DPP10: variants seen among roughly 807,000 people sequenced by gnomAD.
DPP10 encodes inactive dipeptidyl peptidase 10.
A neutral mutation model predicts 120.9 loss-of-function variants in DPP10; 33 were observed. That is an observed-to-expected ratio of 0.27 (90% confidence interval 0.21 to 0.37). The LOEUF (loss-of-function observed/expected upper bound fraction) is 0.37. DPP10 is among the 10% of genes least tolerant of loss of function. The pLI is 1.00. For synonymous variants in DPP10, 337 were observed against 326.1 expected (o/e 1.03, Z -0.36); for missense variants, 816 against 942.8 (o/e 0.87, Z 1.76).
At chr2:114,496,192 G>A (rs1483024512) in intron 1 of DPP10, among the ~76,000 whole-genome samples, 2 of 152,082 alleles carry the variant, frequency 1.3e-5, no homozygotes, top group Admixed American at 1.3e-4. Context: ...GATGTTTGGG[G>A]TTCTTAGGAT....
chr2:115,737,470 A>G lies in DPP10; in HGVS notation c.698-2269A>G, dbSNP rs568040253. The stretch of plus-strand genomic sequence containing the variant: ...TAGATAATATTTTTCAGTACAAGCG[A>G]CAATGATCTTTTTTCAAATCTTGTA... On this transcript the variant is annotated intron_variant, in intron 8 of 25. Transcript: ENST00000410059. Among the ~76,000 whole-genome samples, 150 of 152,250 alleles carry G rather than the reference A, an allele frequency of 9.9e-4. 1 individual carries two copies. Among genetic ancestry groups the G allele is most frequent in the African/African-American group, 3.3e-3 (139 of 41,536 alleles).
At chr2:115,212,314 G>C (rs1351265050) in intron 1 of DPP10, among the ~76,000 whole-genome samples, 1 of 152,154 alleles carries the variant, frequency 6.6e-6, no homozygotes, top group African/African-American at 2.4e-5. Context: ...GGAGCAGCCT[G>C]CTTTATGGAA....
intron 3 of DPP10, among the ~76,000 whole-genome samples, chr2:115,407,456 C>T (rs2068600443): frequency 6.6e-6 from 1 of 152,132 alleles, no homozygotes; most frequent in South Asian, 2.1e-4. Flanking sequence ...GTCAGATCTC[C>T]CTCAGAGGCC....
rs66716319 is a variant in DPP10, at chr2:114,532,256, CATATAT to C, written c.60+89454_60+89459del. The stretch of plus-strand genomic sequence containing the variant: ...CGAGCCAATTCCCATAATAAATCTC[CATATAT>C]ATATATATATATATATATATATATA... On this transcript the variant is annotated intron_variant, in intron 1 of 25. Coordinates refer to ENST00000410059, the MANE Select transcript of DPP10 (RefSeq NM_020868.6). 5.7e-3 allele frequency among the ~76,000 whole-genome samples: 492 copies of C among 86,184 alleles called. 8 individuals carry two copies. Among genetic ancestry groups the C allele is most frequent in the African/African-American group, 0.014 (218 of 16,138 alleles). 56.5% of individuals were successfully genotyped at this position (86,184 alleles called of 152,430 possible).
intron 1 of DPP10, among the ~76,000 whole-genome samples, chr2:115,047,378 ATATTT>A (rs1380418483): frequency 6.6e-6 from 1 of 152,026 alleles, no homozygotes; most frequent in Non-Finnish European, 1.5e-5. Context: ...TAAATTTTGA[ATATTT>A]TAATCACTAT....
At chr2:115,536,896 TA>T (rs1382859712) in intron 5 of DPP10, among the ~76,000 whole-genome samples, 1 of 152,032 alleles carries the variant, frequency 6.6e-6, no homozygotes, top group Non-Finnish European at 1.5e-5. Flanking sequence ...ATTACTCTGG[TA>T]AAATTACACT....
chr2:115,358,848 A>T (rs984814744), intron 3 of DPP10, among the ~76,000 whole-genome samples: 3 of 152,138 alleles, frequency 2.0e-5, no homozygotes, highest in Admixed American at 2.0e-4. Context: ...GAGAAGTGCT[A>T]AGCAAAAGAA....
intron 1 of DPP10, among the ~76,000 whole-genome samples, chr2:114,921,352 C>T (rs1695183220): frequency 1.3e-5 from 2 of 152,040 alleles, no homozygotes; most frequent in Admixed American, 1.3e-4. Context: ...CTTTAAAGAA[C>T]CATCATACAT....
intron 1 of DPP10, among the ~76,000 whole-genome samples, chr2:115,002,877 T>A (rs1301830857): frequency 6.6e-6 from 1 of 151,956 alleles, no homozygotes; most frequent in Non-Finnish European, 1.5e-5. Context: ...GCTGGTGATA[T>A]TACAGAGGAA....
intron 3 of DPP10, among the ~76,000 whole-genome samples, chr2:115,456,622 A>G (rs994960316): frequency 1.3e-5 from 2 of 152,220 alleles, no homozygotes; most frequent in African/African-American, 4.8e-5. Context: ...ATGGAATACT[A>G]TGCAGCCATA....
chr2:114,587,940 G>A (rs1691140129), intron 1 of DPP10, among the ~76,000 whole-genome samples: 1 of 152,178 alleles, frequency 6.6e-6, no homozygotes, highest in Admixed American at 6.5e-5. Context: ...TTACATGAAG[G>A]TTACAGGCCT....
chr2:115,042,008 C>CTTTTTTTTTTTTTTTTTTTT (rs5833573), intron 1 of DPP10, among the ~76,000 whole-genome samples: 2 of 80,334 alleles, frequency 2.5e-5, no homozygotes, highest in Non-Finnish European at 4.7e-5. Flanking sequence ...TCTATCTTAT[C>CTTTTTTTTTTTTTTTTTTTT]TTTTTTTTTT....
intron 1 of DPP10, among the ~76,000 whole-genome samples, chr2:114,695,854 C>A (rs1700038374): frequency 1.3e-5 from 2 of 152,074 alleles, no homozygotes; most frequent in South Asian, 4.1e-4. Flanking sequence ...TTGTTTAGAG[C>A]ATCATTAAAA....
chr2:115,451,083 A>C (rs538146464), intron 3 of DPP10, among the ~76,000 whole-genome samples: 2 of 151,986 alleles, frequency 1.3e-5, no homozygotes, highest in South Asian at 4.1e-4. Flanking sequence ...TTCTGACTCC[A>C]AAGCCAGTGT....
At chr2:114,675,170 T>C (rs1396849044) in intron 1 of DPP10, among the ~76,000 whole-genome samples, 1 of 152,140 alleles carries the variant, frequency 6.6e-6, no homozygotes, top group Non-Finnish European at 1.5e-5. Flanking sequence ...TGTTAACTGG[T>C]CTAACTCTGC....
chr2:115,825,261 A>C (rs926483496), intron 21 of DPP10, among the ~76,000 whole-genome samples: 1 of 152,132 alleles, frequency 6.6e-6, no homozygotes, highest in South Asian at 2.1e-4. Context: ...CTAAGCCTAC[A>C]TATTGCTTTA....
intron 7 of DPP10, among the ~76,000 whole-genome samples, chr2:115,724,672 T>C (rs1481588956): frequency 6.6e-6 from 1 of 152,210 alleles, no homozygotes; most frequent in Non-Finnish European, 1.5e-5. Context: ...GTTGTGCTGC[T>C]TAGGTGTTGT....
At chr2:115,364,454 G>A (rs1449176131) in intron 3 of DPP10, among the ~76,000 whole-genome samples, 1 of 152,016 alleles carries the variant, frequency 6.6e-6, no homozygotes, top group Non-Finnish European at 1.5e-5. Flanking sequence ...AGGAGCCGTT[G>A]TTGCTTGTTC....
At chr2:115,081,958 C>T (rs1708309423) in intron 1 of DPP10, among the ~76,000 whole-genome samples, 2 of 152,238 alleles carry the variant, frequency 1.3e-5, no homozygotes, top group African/African-American at 4.8e-5. Flanking sequence ...AATCAAATAC[C>T]TTCAGGGAAA....
Sources: gnomAD v4.1 joint callset for allele counts (sites outside exome capture counted in the v4.1 genomes callset) on GRCh38, gnomAD v4.1.1 for gene constraint, MANE v1.5 for transcripts, NCBI Gene and HGNC (gene_info 2026-07-23, HGNC 2026-07-21) for gene names.